Variants in AMOT observed in about 807,000 individuals in gnomAD.
AMOT encodes angiomotin.
A neutral mutation model predicts 67.0 loss-of-function variants in AMOT; 11 were observed. The ratio of observed to expected loss-of-function variants is 0.16; its 90% CI spans 0.10 to 0.27. The LOEUF is 0.27. Among genes scored for constraint, AMOT ranks in the 10% least tolerant of loss-of-function variants. The pLI, the probability that AMOT is intolerant of heterozygous loss-of-function variation, is 1.00. For missense variants in AMOT, 753 were observed against 852.0 expected (o/e 0.88, Z 1.45); for synonymous variants, 326 against 321.4 (o/e 1.01, Z -0.15).
In AMOT at chrX:112,791,810, T is replaced by C. The variant is rs749113639; in HGVS notation, c.1926+22A>G. The C allele has an allele frequency of 3.2e-5, 39 of 1,201,589 alleles. No homozygotes were observed. The African/African-American group carries it at 6.3e-4, about 19-fold the overall frequency. On this transcript the variant is annotated intron_variant, in intron 9 of 13. Transcript: ENST00000371959. ...TCATTTTCTTACTTTTTTTTCCCTT[T>C]CTTCCTTTAAGTTCTCCATACCTGC...
At chrX:112,807,464 C>T (rs1360707965) in intron 7 of AMOT, among the ~76,000 whole-genome samples, 1 of 109,556 alleles carries the variant, frequency 9.1e-6, no homozygotes. Context: ...GAATCAGAAC[C>T]AGACCCCGAG....
intron 10 of AMOT, among the ~76,000 whole-genome samples, chrX:112,785,726 G>A (rs754299921): frequency 8.9e-6 from 1 of 112,275 alleles, no homozygotes; most frequent in South Asian, 3.7e-4. Flanking sequence ...TCAGCAAGGT[G>A]ATTGTAATAA....
intron 2 of AMOT, among the ~76,000 whole-genome samples, chrX:112,829,364 C>T (rs753476973): frequency 4.6e-4 from 51 of 110,904 alleles, no homozygotes; most frequent in Non-Finnish European, 8.1e-4. Flanking sequence ...CTCTTGCTCT[C>T]GCTTTTGCCA....
At chrX:112,839,185 T>C (rs1293507222) in intron 1 of AMOT, among the ~76,000 whole-genome samples, 4 of 112,510 alleles carry the variant, frequency 3.6e-5, no homozygotes, top group African/African-American at 1.3e-4. Flanking sequence ...TAATAAGTCT[T>C]TGAACACCAT....
At chrX:112,789,358 T>G (rs993575404) in intron 10 of AMOT, among the ~76,000 whole-genome samples, 1 of 111,288 alleles carries the variant, frequency 9.0e-6, no homozygotes, top group Non-Finnish European at 1.9e-5. Context: ...CACACTGGCA[T>G]GTATTGAGTA....
intron 10 of AMOT, among the ~76,000 whole-genome samples, chrX:112,784,570 C>T (rs1042416486): frequency 9.0e-6 from 1 of 111,607 alleles, no homozygotes; most frequent in Non-Finnish European, 1.9e-5. Context: ...TTGGGTGACA[C>T]AGCAAGACCC....
At chrX:112,792,503 G>T (rs1933647443) in intron 8 of AMOT, among the ~76,000 whole-genome samples, 1 of 112,342 alleles carries the variant, frequency 8.9e-6, no homozygotes, top group African/African-American at 3.2e-5. Context: ...AACTGCTGAA[G>T]GTACAAGAAA....
intron 4 of AMOT, among the ~76,000 whole-genome samples, chrX:112,821,337 G>A (rs1934710366): frequency 9.0e-6 from 1 of 110,801 alleles, no homozygotes; most frequent in Non-Finnish European, 1.9e-5. Context: ...TGCCACCATC[G>A]GTCCCCATGG....
At chrX:112,825,481 A>G (rs1193195781) in intron 2 of AMOT, among the ~76,000 whole-genome samples, 1 of 111,584 alleles carries the variant, frequency 9.0e-6, no homozygotes, top group Non-Finnish European at 1.9e-5. Context: ...TTCTGACCTC[A>G]CAGCCCTAGA....
At chrX:112,807,836 AAC>A (rs1934239759) in intron 7 of AMOT, among the ~76,000 whole-genome samples, 1 of 112,331 alleles carries the variant, frequency 8.9e-6, no homozygotes. Flanking sequence ...ATTGTGATAC[AAC>A]AGATTCTGTA....
chrX:112,825,317 G>C (rs1271838914), intron 2 of AMOT, 97 bp from the exon 3 acceptor site: 1 of 111,726 alleles, frequency 9.0e-6, no homozygotes, highest in African/African-American at 3.3e-5. Context: ...TCTTCCAAGA[G>C]AATGACTTGT....
At chrX:112,807,451 C>A (rs11152744) in intron 7 of AMOT, among the ~76,000 whole-genome samples, 11,538 of 109,108 alleles carry the variant, frequency 0.11, 572 homozygotes, top group Admixed American at 0.2. Flanking sequence ...AAAGACAGGG[C>A]AAGAATCAGA....
chrX:112,781,974 T>C (rs1406101146), intron 11 of AMOT, among the ~76,000 whole-genome samples: 1 of 111,792 alleles, frequency 8.9e-6, no homozygotes, highest in Non-Finnish European at 1.9e-5. Flanking sequence ...TTGCAACCTC[T>C]GCCTCCCAAG....
At position 112,779,260 on chromosome X, in the gene AMOT, G is replaced by T; in HGVS notation, c.2894C>A (p.Ala965Asp). 1 of 643,928 alleles carries T rather than the reference G, an allele frequency of 1.6e-6. No homozygotes were observed. The highest frequency in any genetic ancestry group is 2.6e-6 in the Non-Finnish European group (1 of 386,336). The allele number at this position is 643,928 out of a possible 1,213,427, so 53.1% of individuals were successfully genotyped here. A position where few individuals can be genotyped will look rare whatever the true frequency, so the allele number is the denominator to read the frequency against. The change falls in exon 13 of 14, where the codon GCT becomes GAT. Residue 965 changes from alanine to aspartate, a missense_variant. Ala to Asp is a moderately radical substitution (Grantham distance 126). Coordinates refer to ENST00000371959, the MANE Select transcript of AMOT (RefSeq NM_001113490.2). ...SAAAVAPSAAAAAAVQVAPAA... is the reference protein window; with the variant it reads ...SAAAVAPSAADAAAVQVAPAA... ...TGGAGCAACCTGAACAGCAGCAGCA[G>T]CAGCAGCAGAAGGAGCAACGGCAGC...
intron 8 of AMOT, among the ~76,000 whole-genome samples, chrX:112,803,921 T>C (rs1288935355): frequency 1.8e-5 from 2 of 112,093 alleles, no homozygotes; most frequent in Non-Finnish European, 3.8e-5. Flanking sequence ...CTGTGAGATA[T>C]GAAATTTTCT....
Position 112,810,247 on chromosome X carries a change from T to C in AMOT, c.1538-261A>G, listed in dbSNP as rs1333964802. Among the ~76,000 whole-genome samples, 6 of 111,628 alleles carry C rather than the reference T, an allele frequency of 5.4e-5. No individual in the cohort carries two copies. The Admixed American group carries it at 5.7e-4, about 11-fold the overall frequency. On this transcript the variant is annotated intron_variant, in intron 6 of 13. Coordinates refer to ENST00000371959, the MANE Select transcript of AMOT (RefSeq NM_001113490.2). ...GCAGAATTCTAAATTTCAATGAAATTATCCATCCCCAAATATATAAAGATA... is the reference window on the plus strand; with the variant it reads ...GCAGAATTCTAAATTTCAATGAAATCATCCATCCCCAAATATATAAAGATA...
intron 2 of AMOT, among the ~76,000 whole-genome samples, 151 bp downstream of exon 2, chrX:112,832,143 C>T: frequency 1.8e-5 from 2 of 111,395 alleles, no homozygotes. Flanking sequence ...GTATGCATCC[C>T]AATACCTAAA....
At chrX:112,798,890 T>C (rs1378696190) in intron 8 of AMOT, among the ~76,000 whole-genome samples, 1 of 112,000 alleles carries the variant, frequency 8.9e-6, no homozygotes, top group East Asian at 2.8e-4. Context: ...TCCCAAGTAT[T>C]TGGCAGATCT....
intron 1 of AMOT, among the ~76,000 whole-genome samples, 190 bp downstream of exon 1, chrX:112,840,262 G>A (rs1452232133): frequency 9.0e-6 from 1 of 111,490 alleles, no homozygotes; most frequent in Non-Finnish European, 1.9e-5. Flanking sequence ...CGGGAAAGCA[G>A]CGCACACTCT....
Sources: gnomAD v4.1 joint callset for allele counts (sites outside exome capture counted in the v4.1 genomes callset) on GRCh38, gnomAD v4.1.1 for gene constraint, MANE v1.5 for transcripts, NCBI Gene and HGNC (gene_info 2026-07-23, HGNC 2026-07-21) for gene names.